Variants in RAB11FIP3 observed in about 807,000 individuals in gnomAD.
The protein encoded by RAB11FIP3 is RAB11 family interacting protein 3, also known as rab11 family-interacting protein 3.
Under a neutral mutation model 77.8 loss-of-function variants are expected in RAB11FIP3, and 17 were observed. The ratio of observed to expected loss-of-function variants is 0.22; its 90% CI spans 0.15 to 0.33. RAB11FIP3 has a LOEUF of 0.33. Ranked by LOEUF, RAB11FIP3 falls within the 10% of genes least tolerant of loss-of-function variation. The pLI is 1.00. For synonymous variants in RAB11FIP3, 437 were observed against 448.2 expected, an observed-to-expected ratio of 0.98 and a Z score of 0.31; for missense variants, 1,005 against 1,011.2, an observed-to-expected ratio of 0.99 and a Z score of 0.08.
At chr16:494,944 T>G (rs2030978047) in intron 5 of RAB11FIP3, among the ~76,000 whole-genome samples, 1 of 146,148 alleles carries the variant, frequency 6.8e-6, no homozygotes, top group African/African-American at 2.6e-5. Context: ...GAGGATCACA[T>G]GAGCCGGGGA....
chr16:426,601 G>A lies in RAB11FIP3; in HGVS notation c.595G>A (p.Gly199Arg). 1 of 1,598,496 alleles carries A rather than the reference G, an allele frequency of 6.3e-7. No individual in the cohort carries two copies. Among genetic ancestry groups the A allele is most frequent in the Non-Finnish European group, 8.5e-7 (1 of 1,173,538 alleles). Residue 199 changes from glycine (G) to arginine (R), a missense_variant, in exon 1 of 14, where the codon GGG (glycine) becomes AGG (arginine). Physicochemically the swap from Gly to Arg is moderately radical, Grantham distance 125 (BLOSUM62 -2). This residue lies in a region of RAB11FIP3 where 466 missense variants were observed against 408.3 expected (regional missense o/e 1.14). Transcript: ENST00000262305. The surrounding 1 kb of genome is among the most constrained non-coding windows in gnomAD (Gnocchi z 5.0). ...CCACCCCCTTCCGAGCGAGCCCGTG[G>A]GGAGTCAGGAGGACGGCCCCCGCCT... is the stretch of plus-strand genomic sequence containing the variant. ...QTHPLPSEPV[G>R]SQEDGPRLRA...
intron 2 of RAB11FIP3, among the ~76,000 whole-genome samples, chr16:464,900 AC>A (rs1218602188): frequency 6.6e-6 from 1 of 152,144 alleles, no homozygotes; most frequent in Admixed American, 6.5e-5. Flanking sequence ...AACAAACAAA[AC>A]AAAAAAAACT....
chr16:486,452 C>T (rs1281020388), intron 4 of RAB11FIP3, among the ~76,000 whole-genome samples: 2 of 152,190 alleles, frequency 1.3e-5, no homozygotes, highest in Non-Finnish European at 2.9e-5. Context: ...GAGATGGCAC[C>T]ACTGCATTTC....
intron 5 of RAB11FIP3, among the ~76,000 whole-genome samples, chr16:492,398 G>GAGGCCGCCCAGAGCCCTCCCC (rs2030481996): frequency 7.4e-6 from 1 of 135,230 alleles, no homozygotes; most frequent in Admixed American, 7.2e-5. Flanking sequence ...AGCCCTCCCC[G>GAGGCCGCCCAGAGCCCTCCCC]GGAGACCCGA....
At chr16:433,616 A>G (rs2055076997) in intron 1 of RAB11FIP3, among the ~76,000 whole-genome samples, 1 of 151,726 alleles carries the variant, frequency 6.6e-6, no homozygotes, top group Admixed American at 6.6e-5. Context: ...TGGAAGGCCA[A>G]GGCGGGCGGA....
chr16:463,417 G>C (rs1283737775), intron 2 of RAB11FIP3, among the ~76,000 whole-genome samples: 2 of 147,270 alleles, frequency 1.4e-5, no homozygotes, highest in African/African-American at 5.0e-5. Context: ...AACGTGCTGT[G>C]TGTTGTTCCC....
Position 497,208 on chromosome 16 carries a change from G to A in RAB11FIP3, c.1301+349G>A, listed in dbSNP as rs1441336388. ...GTGAGGAGCCTGGCTTCTCAGAGCC[G>A]GGTCTGGGCAGCTCCCCAAGGTGAG... On this transcript the variant is annotated intron_variant, in intron 6 of 13. Transcript: ENST00000262305. 8.0e-5 allele frequency: 96 copies of A among 1,203,582 alleles called. 1 individual carries two copies. Among genetic ancestry groups the A allele is most frequent in the South Asian group, 2.6e-4 (20 of 76,732 alleles). The allele number at this position is 1,203,582 out of a possible 1,614,324, so 74.6% of individuals were successfully genotyped here.
Position 461,327 on chromosome 16 carries a change from C to A in RAB11FIP3, c.715-77C>A. The A allele has an allele frequency of 8.6e-7, 1 of 1,165,626 alleles. No homozygotes were observed. Among genetic ancestry groups the A allele is most frequent in the South Asian group, 1.4e-5 (1 of 73,470 alleles). The allele number at this position is 1,165,626 out of a possible 1,614,324, so 72.2% of individuals were successfully genotyped here. The stretch of plus-strand genomic sequence containing the variant: ...TCCCAGCAGGCCACACACCAGATCT[C>A]TCCCAGTCCGAGGTCCAGGGTTGGG... On this transcript the variant is annotated intron_variant, in intron 1 of 13. Transcript: ENST00000262305. The surrounding 1 kb of genome is among the most constrained non-coding windows in gnomAD (Gnocchi z 4.5).
At chr16:442,094 C>G (rs1325533221) in intron 1 of RAB11FIP3, among the ~76,000 whole-genome samples, 1 of 152,210 alleles carries the variant, frequency 6.6e-6, no homozygotes, top group Non-Finnish European at 1.5e-5. Flanking sequence ...ACTTCGGCCT[C>G]CCAAAGTGCT....
intron 9 of RAB11FIP3, among the ~76,000 whole-genome samples, chr16:516,304 T>A (rs1259060012): frequency 1.3e-5 from 2 of 152,100 alleles, no homozygotes; most frequent in Non-Finnish European, 2.9e-5. Flanking sequence ...ACAACTGGAT[T>A]ATGGAGAAGA....
chr16:462,268 C>G (rs2055620062), intron 2 of RAB11FIP3, among the ~76,000 whole-genome samples: 1 of 152,192 alleles, frequency 6.6e-6, no homozygotes, highest in Non-Finnish European at 1.5e-5. Flanking sequence ...GTCACCCAGG[C>G]TGGAGTGCAA....
intron 5 of RAB11FIP3, among the ~76,000 whole-genome samples, chr16:492,844 C>T (rs1335362916): frequency 3.3e-5 from 5 of 152,150 alleles, no homozygotes; most frequent in Admixed American, 6.5e-5. Flanking sequence ...TGGCCATGGT[C>T]GCCTCTGCTG....
chr16:518,352 A>C (rs895098667), intron 9 of RAB11FIP3, among the ~76,000 whole-genome samples: 3 of 152,200 alleles, frequency 2.0e-5, no homozygotes, highest in Non-Finnish European at 4.4e-5. Flanking sequence ...AAGTGTTGGG[A>C]TTACAGGCGT....
chr16:495,783 C>T (rs1361687477), intron 5 of RAB11FIP3, among the ~76,000 whole-genome samples: 1 of 152,176 alleles, frequency 6.6e-6, no homozygotes, highest in Non-Finnish European at 1.5e-5. Flanking sequence ...GAGTTTCACT[C>T]TTTGTTGCCC....
At position 425,716 on chromosome 16, in the gene RAB11FIP3, C is replaced by CGGG. The variant is rs1460683634; in HGVS notation, c.-291_-290insGGG. 2 of 307,984 alleles carry CGGG rather than the reference C, an allele frequency of 6.5e-6. No homozygotes were observed. The highest frequency in any genetic ancestry group is 4.4e-5 in the African/African-American group (2 of 45,176). 19.1% of individuals were successfully genotyped at this position (307,984 alleles called of 1,614,324 possible). A position where few individuals can be genotyped will look rare whatever the true frequency, so the allele number is the denominator to read the frequency against. On this transcript the variant is annotated 5_prime_UTR_variant, in exon 1 of 14. Transcript: ENST00000262305. ...CTCCGGCCTCCTCGGCCCCCGTCCC[C>CGGG]CGGCCTCCTCGGCCCCCGTCCCCCG... is the stretch of plus-strand genomic sequence containing the variant.
chr16:465,686 T>C (rs1310999187), intron 2 of RAB11FIP3, among the ~76,000 whole-genome samples: 6 of 151,538 alleles, frequency 4.0e-5, no homozygotes, highest in Non-Finnish European at 1.5e-5. Flanking sequence ...CTCGGCTCAC[T>C]GCAACTTGCG....
In RAB11FIP3 at chr16:520,939, C is replaced by G; in HGVS notation, c.*100C>G. Reference sequence around the variant, plus strand: ...CAAGACCAGCAGGTCCCACAGCCGACAGTGCCCAGAGCATGCAGGGAACCC... The same window carrying G: ...CAAGACCAGCAGGTCCCACAGCCGAGAGTGCCCAGAGCATGCAGGGAACCC... On this transcript the variant is annotated 3_prime_UTR_variant, in exon 14 of 14. Transcript: ENST00000262305. The G allele has an allele frequency of 2.0e-6, 2 of 986,908 alleles. No homozygotes were observed. The highest frequency in any genetic ancestry group is 3.2e-6 in the Non-Finnish European group (2 of 625,252). 61.1% of individuals were successfully genotyped at this position (986,908 alleles called of 1,614,324 possible).
intron 4 of RAB11FIP3, among the ~76,000 whole-genome samples, chr16:485,553 C>T (rs745504788): frequency 1.3e-4 from 20 of 152,092 alleles, no homozygotes; most frequent in Admixed American, 4.6e-4. Context: ...GCTGGGATTA[C>T]AGGCACCTGC....
rs141393494 is a variant in RAB11FIP3, at chr16:474,398, A to G, written c.903+3009A>G. ...GCACTGTTTTCCCAGGGATCCTTTC[A>G]GCAGGCAGCTTATAACGGGAAAGTT... On this transcript the variant is annotated intron_variant, in intron 3 of 13. Transcript: ENST00000262305. Among the ~76,000 whole-genome samples, 928 of 152,248 alleles carry G rather than the reference A, an allele frequency of 6.1e-3. 10 individuals are homozygous for G. Among genetic ancestry groups the G allele is most frequent in the African/African-American group, 0.021 (883 of 41,544 alleles).
Sources: gnomAD v4.1 joint callset for allele counts (sites outside exome capture counted in the v4.1 genomes callset) on GRCh38, gnomAD v4.1.1 for gene constraint, gnomAD v4.1.1 regional missense constraint, Gnocchi (gnomAD v3.1) non-coding constraint, MANE v1.5 for transcripts, NCBI Gene and HGNC (gene_info 2026-07-23, HGNC 2026-07-21) for gene names.